Variants in RBM47 observed in about 807,000 individuals in gnomAD.
The protein encoded by RBM47 is RNA-binding protein 47.
Under a neutral mutation model 47.1 loss-of-function variants are expected in RBM47, and 21 were observed. The observed-to-expected ratio is 0.45, with a 90% confidence interval of 0.32 to 0.64. The LOEUF is 0.64. Among genes scored for constraint, RBM47 ranks in the 30% least tolerant of loss-of-function variants. The probability of loss-of-function intolerance (pLI) is 0.05; values close to 1 mark genes in which losing one functional copy is unlikely to be tolerated. For synonymous variants in RBM47, 375 were observed against 361.7 expected (o/e 1.04, Z -0.42); for missense variants, 708 against 870.9 (o/e 0.81, Z 2.35).
chr4:40,446,738 C>CA (rs34186378), intron 3 of RBM47, among the ~76,000 whole-genome samples: 6,726 of 76,042 alleles, frequency 0.088, 412 homozygotes, highest in East Asian at 0.33. Context: ...GACCCAGTCT[C>CA]AAAAAAAAAA....
intron 1 of RBM47, among the ~76,000 whole-genome samples, chr4:40,606,806 C>G (rs926744968): frequency 6.6e-6 from 1 of 152,104 alleles, no homozygotes; most frequent in Non-Finnish European, 1.5e-5. Flanking sequence ...ACATGTGTTA[C>G]AAGCCTGAGC....
At chr4:40,602,969 G>C (rs963134858) in intron 1 of RBM47, among the ~76,000 whole-genome samples, 15 of 152,234 alleles carry the variant, frequency 9.9e-5, no homozygotes, top group Admixed American at 4.6e-4. Flanking sequence ...GCATGTGATT[G>C]CTTGAGCCCA....
At chr4:40,494,098 C>T (rs1204781036) in intron 2 of RBM47, among the ~76,000 whole-genome samples, 1 of 152,106 alleles carries the variant, frequency 6.6e-6, no homozygotes, top group Non-Finnish European at 1.5e-5. Flanking sequence ...TATTTATTGA[C>T]CCCCTTTTAT....
chr4:40,509,031 C>T (rs1013858656), intron 2 of RBM47, among the ~76,000 whole-genome samples: 4 of 152,052 alleles, frequency 2.6e-5, no homozygotes, highest in African/African-American at 4.8e-5. Flanking sequence ...TGTGGTGGCG[C>T]GTGCCTGTAG....
At chr4:40,630,268 C>G (rs76377090), upstream of RBM47, 378 of 152,476 alleles carry the variant, frequency 2.5e-3, 2 homozygotes, top group Middle Eastern at 0.017. Context: ...CGCTCGGCCC[C>G]CTTCGGGCTG....
At position 40,457,475 on chromosome 4, in the gene RBM47, C is replaced by G. The variant is rs200138905; in HGVS notation, c.-32+9102G>C. ...CATTTTAAAATTTGTGTGTAAAAGG[C>G]TGTTTACTCAGGGTGGAATGTAGTG... On this transcript the variant is annotated intron_variant, in intron 3 of 6. Coordinates refer to ENST00000295971, the MANE Select transcript of RBM47 (RefSeq NM_001098634.2). 5.9e-5 allele frequency among the ~76,000 whole-genome samples: 9 copies of G among 151,356 alleles called. No individual in the cohort carries two copies. The East Asian group carries it at 1.7e-3, about 29-fold the overall frequency.
chr4:40,486,243 T>A (rs1270568450), intron 2 of RBM47, among the ~76,000 whole-genome samples: 1 of 152,112 alleles, frequency 6.6e-6, no homozygotes, highest in Admixed American at 6.6e-5. Flanking sequence ...TTTTAAAACA[T>A]TTATTAAAAC....
chr4:40,620,322 A>G (rs1292078773), intron 1 of RBM47, among the ~76,000 whole-genome samples: 3 of 151,972 alleles, frequency 2.0e-5, no homozygotes, highest in South Asian at 2.1e-4. Context: ...CCTGGCCAAC[A>G]TGGTGAAACC....
intron 6 of RBM47, among the ~76,000 whole-genome samples, chr4:40,431,476 G>C (rs1229842865): frequency 6.6e-6 from 1 of 152,074 alleles, no homozygotes. Flanking sequence ...GGCTGACACG[G>C]TGAAACCCCG....
intron 2 of RBM47, among the ~76,000 whole-genome samples, chr4:40,483,506 G>A (rs1014270754): frequency 6.6e-6 from 1 of 152,222 alleles, no homozygotes; most frequent in South Asian, 2.1e-4. Flanking sequence ...GAGCAGAGAA[G>A]CGCTGTGATC....
Position 40,495,609 on chromosome 4 carries a change from G to GA in RBM47, c.-154-28911dup, listed in dbSNP as rs201833766. Among the ~76,000 whole-genome samples the GA allele has an allele frequency of 7.9e-3, 1,131 of 142,404 alleles. 16 individuals are homozygous for GA. The highest frequency in any genetic ancestry group is 0.027 in the African/African-American group (1,049 of 38,740). 93.4% of individuals were successfully genotyped at this position (142,404 alleles called of 152,430 possible). On this transcript the variant is annotated intron_variant, in intron 2 of 6. Transcript: ENST00000295971. ...AAGAGTGAAATTTCATCTCAAAAAA[G>GA]AAAAAAAAAAAGTTTAGGTTATGAC... is the stretch of plus-strand genomic sequence containing the variant.
intron 2 of RBM47, among the ~76,000 whole-genome samples, chr4:40,500,599 A>AAT (rs60894213): frequency 0.31 from 46,313 of 150,932 alleles, 7,036 homozygotes; most frequent in East Asian, 0.41. Flanking sequence ...CCTATCTCCA[A>AAT]ATATATATAT....
chr4:40,451,640 G>T (rs982694299), intron 3 of RBM47, among the ~76,000 whole-genome samples: 1 of 152,040 alleles, frequency 6.6e-6, no homozygotes, highest in Non-Finnish European at 1.5e-5. Flanking sequence ...TGGGCTTCTG[G>T]GATACAGTCA....
At chr4:40,451,364 C>T (rs1167461099) in intron 3 of RBM47, among the ~76,000 whole-genome samples, 1 of 152,118 alleles carries the variant, frequency 6.6e-6, no homozygotes, top group Non-Finnish European at 1.5e-5. Context: ...AAGAATGGTT[C>T]TGTTGTCTAA....
At chr4:40,463,336 C>T (rs1244444679) in intron 3 of RBM47, among the ~76,000 whole-genome samples, 1 of 152,188 alleles carries the variant, frequency 6.6e-6, no homozygotes, top group South Asian at 2.1e-4. Flanking sequence ...CCGCTTCACA[C>T]TCACTGTGAT....
In RBM47 at chr4:40,425,769, T is replaced by C. The variant is rs1171674858; in HGVS notation, c.*135A>G. 3.0e-6 allele frequency: 4 copies of C among 1,312,608 alleles called. No homozygotes were observed. The highest frequency in any genetic ancestry group is 3.0e-5 in the African/African-American group (2 of 67,324). 81.3% of individuals were successfully genotyped at this position (1,312,608 alleles called of 1,614,324 possible). A position where few individuals can be genotyped will look rare whatever the true frequency, so the allele number is the denominator to read the frequency against. ...TAGTGAAAACTTCATGTATATAAAATAATTCAGAAATAAATCTGCTAACAT... is the reference window on the plus strand; with the variant it reads ...TAGTGAAAACTTCATGTATATAAAACAATTCAGAAATAAATCTGCTAACAT... On this transcript the variant is annotated 3_prime_UTR_variant, in exon 7 of 7. Coordinates refer to ENST00000295971, the MANE Select transcript of RBM47 (RefSeq NM_001098634.2).
chr4:40,519,869 C>T (rs1356561169), intron 2 of RBM47, among the ~76,000 whole-genome samples: 16 of 151,922 alleles, frequency 1.1e-4, no homozygotes. Context: ...GGGGTTTCAC[C>T]ATGTTGGCCA....
intron 2 of RBM47, among the ~76,000 whole-genome samples, chr4:40,477,960 G>A (rs1368427908): frequency 1.3e-5 from 2 of 149,428 alleles, no homozygotes; most frequent in African/African-American, 4.9e-5. Flanking sequence ...GTATAGGCAC[G>A]TGTGCATCAC....
chr4:40,525,602 C>A (rs1488584560), intron 2 of RBM47, among the ~76,000 whole-genome samples: 1 of 151,318 alleles, frequency 6.6e-6, no homozygotes, highest in African/African-American at 2.4e-5. Flanking sequence ...GAAAGAACTT[C>A]GAAAATAGCC....
Sources: allele counts gnomAD v4.1 joint callset (sites outside exome capture counted in the v4.1 genomes callset), GRCh38; gene constraint gnomAD v4.1.1; transcripts MANE v1.5; gene names NCBI Gene and HGNC (gene_info 2026-07-23, HGNC 2026-07-21).